Variants in NDUFA9 observed in about 807,000 individuals in gnomAD.
NDUFA9 encodes the protein NADH dehydrogenase [ubiquinone] 1 alpha subcomplex subunit 9, mitochondrial.
NDUFA9 carries 23 observed loss-of-function variants against 45.9 expected under a neutral mutation model. The observed-to-expected ratio is 0.50, with a 90% CI of 0.36 to 0.71. The LOEUF is 0.71. Ranked by LOEUF, NDUFA9 falls within the 30% of genes least tolerant of loss-of-function variation. The pLI is 0.00. For missense variants in NDUFA9, 466 were observed against 488.2 expected (o/e 0.95, Z 0.43); for synonymous variants, 176 against 170.5 (o/e 1.03, Z -0.25).
rs1313706211 is a variant in NDUFA9, at chr12:4,690,709, AAAAT to A, written c.*3608_*3611del. The stretch of plus-strand genomic sequence containing the variant: ...TGGGAGACAGAGGGAGACTCTGTCT[AAAAT>A]AAATAATAATAATAATAATAATAAA... On this transcript the variant is annotated 3_prime_UTR_variant, in exon 11 of 11. Transcript: ENST00000266544. 6.6e-6 allele frequency: 1 copy of A among 151,998 alleles called. No homozygotes were observed. Among genetic ancestry groups the A allele is most frequent in the Non-Finnish European group, 1.5e-5 (1 of 68,000 alleles). The allele number at this position is 151,998 out of a possible 1,614,324, so 9.4% of individuals were successfully genotyped here.
chr12:4,685,799 C>G (rs555858123), intron 10 of NDUFA9, among the ~76,000 whole-genome samples: 14 of 152,336 alleles, frequency 9.2e-5, no homozygotes, highest in African/African-American at 3.4e-4. Context: ...AGTCTCCTTG[C>G]TGCCACATCC....
chr12:4,680,910 C>T (rs1005402554), intron 8 of NDUFA9, among the ~76,000 whole-genome samples: 5 of 152,028 alleles, frequency 3.3e-5, no homozygotes, highest in African/African-American at 9.7e-5. Flanking sequence ...AGGTTAAAAT[C>T]GTACAGAACT....
chr12:4,672,272 A>G (rs1311955408), intron 8 of NDUFA9, among the ~76,000 whole-genome samples: 1 of 152,206 alleles, frequency 6.6e-6, no homozygotes, highest in Non-Finnish European at 1.5e-5. Flanking sequence ...CCATGCCACC[A>G]GGGCCCTGGT....
At position 4,692,802 on chromosome 12, in the gene NDUFA9, G is replaced by A. The variant is rs151297826; in HGVS notation, c.*5694G>A. ...ATAGTATATGATAGCAGTAGTATAC[G>A]ATAGCATGTGTGTGAGTCCATTTTG... is the stretch of plus-strand genomic sequence containing the variant. On this transcript the variant is annotated 3_prime_UTR_variant, in exon 11 of 11. Coordinates refer to ENST00000266544, the MANE Select transcript of NDUFA9 (RefSeq NM_005002.5). 1 of 152,232 alleles carries A rather than the reference G, an allele frequency of 6.6e-6. No individual in the cohort carries two copies. Among genetic ancestry groups the A allele is most frequent in the Non-Finnish European group, 1.5e-5 (1 of 68,114 alleles). The allele number at this position is 152,232 out of a possible 1,614,324, so 9.4% of individuals were successfully genotyped here. A position where few individuals can be genotyped will look rare whatever the true frequency, so the allele number is the denominator to read the frequency against.
At chr12:4,685,169 C>A in intron 9 of NDUFA9, 90 bp from the exon 10 acceptor site, 2 of 1,105,232 alleles carry the variant, frequency 1.8e-6, no homozygotes, top group Non-Finnish European at 1.4e-6. Flanking sequence ...TGCTCTACAG[C>A]GGTCTGTCTT....
At chr12:4,669,502 T>C (rs1474665018) in intron 7 of NDUFA9, among the ~76,000 whole-genome samples, 1 of 152,224 alleles carries the variant, frequency 6.6e-6, no homozygotes, top group Non-Finnish European at 1.5e-5. Context: ...TGGAAAATAC[T>C]TGGATAGCGG....
At chr12:4,679,833 G>T (rs922871834) in intron 8 of NDUFA9, among the ~76,000 whole-genome samples, 1 of 152,190 alleles carries the variant, frequency 6.6e-6, no homozygotes, top group Non-Finnish European at 1.5e-5. Flanking sequence ...GGTACATCTT[G>T]TTTATAAATT....
intron 4 of NDUFA9, 140 bp downstream of exon 4, chr12:4,657,979 A>G (rs1458652719): frequency 4.4e-6 from 3 of 688,128 alleles, no homozygotes; most frequent in East Asian, 5.3e-5. Context: ...AACCACTTGC[A>G]TACCCAGTGA....
At position 4,659,104 on chromosome 12, in the gene NDUFA9, G is replaced by T; in HGVS notation, c.479G>T (p.Gly160Val). 1 of 1,612,166 alleles carries T rather than the reference G, an allele frequency of 6.2e-7. No homozygotes were observed. Among genetic ancestry groups the T allele is most frequent in the Non-Finnish European group, 8.5e-7 (1 of 1,178,326 alleles). Reference sequence around the variant, plus strand: ...ATTGCTCAACTGTCCAAGGAAGCTGGAGTTGAAAAATTCATTCATGTTTCA... The same window carrying T: ...ATTGCTCAACTGTCCAAGGAAGCTGTAGTTGAAAAATTCATTCATGTTTCA... ...QAIAQLSKEA[G>V]VEKFIHVSHL... is the part of the protein sequence containing the mutation. The change falls in exon 5 of 11, where the codon GGA becomes GTA. Residue 160 changes from glycine to valine, a missense_variant. Transcript: ENST00000266544.
chr12:4,674,086 A>C (rs1945903913), intron 8 of NDUFA9, among the ~76,000 whole-genome samples: 1 of 152,238 alleles, frequency 6.6e-6, no homozygotes, highest in Non-Finnish European at 1.5e-5. Context: ...TAAGTGAAGG[A>C]GAAATAAAAT....
At chr12:4,684,329 A>G (rs530023237) in intron 9 of NDUFA9, among the ~76,000 whole-genome samples, 7 of 152,332 alleles carry the variant, frequency 4.6e-5, no homozygotes, top group Admixed American at 1.3e-4. Flanking sequence ...CTGAAGTTTT[A>G]CGTCAAGTCC....
rs569570255 is a variant in NDUFA9, at chr12:4,681,534, A to G, written c.801-671A>G. ...AGATTGGCAAAAATTTTATTTTCTT[A>G]TGACAACTCATTTCGGGTGGAGGGG... On this transcript the variant is annotated intron_variant, in intron 8 of 10. Transcript: ENST00000266544. Among the ~76,000 whole-genome samples, 6 of 149,486 alleles carry G rather than the reference A, an allele frequency of 4.0e-5. No individual in the cohort carries two copies. In the East Asian group the frequency reaches 1.2e-3, roughly 29 times the overall value.
At chr12:4,685,238 T>C in intron 9 of NDUFA9, 21 bp from the exon 10 acceptor site, 5 of 1,596,642 alleles carry the variant, frequency 3.1e-6, no homozygotes, top group Non-Finnish European at 4.3e-6. Context: ...TCACATGTGC[T>C]ATATGTATTT....
Position 4,654,471 on chromosome 12 carries a change from A to G in NDUFA9, c.220+9A>G. 6.2e-7 allele frequency: 1 copy of G among 1,613,484 alleles called. No individual in the cohort carries two copies. The highest frequency in any genetic ancestry group is 8.5e-7 in the Non-Finnish European group (1 of 1,179,498). On this transcript the variant is annotated intron_variant, in intron 2 of 10. Transcript: ENST00000266544. ...TGTTGTCAACCACCTTGGTAAGTAA[A>G]GTTCCTTAAGTTCATATGCTCCATT...
At chr12:4,666,429 C>T (rs1428479267) in intron 6 of NDUFA9, among the ~76,000 whole-genome samples, 1 of 152,064 alleles carries the variant, frequency 6.6e-6, no homozygotes, top group Non-Finnish European at 1.5e-5. Flanking sequence ...GTTGCCTGTG[C>T]TTTTAGTATT....
rs1037905071 is a variant in NDUFA9 at position 4,693,960 on chromosome 12, T to C, written c.*6852T>C. On this transcript the variant is annotated 3_prime_UTR_variant, in exon 11 of 11. Transcript: ENST00000266544. ...ACACATCTTTTCTGGGGCTAGACAG[T>C]CCATAAATAGGACTTGGAAATGGAA... is the stretch of plus-strand genomic sequence containing the variant. 2 of 152,168 alleles carry C rather than the reference T, an allele frequency of 1.3e-5. No homozygotes were observed. Among genetic ancestry groups the C allele is most frequent in the African/African-American group, 4.8e-5 (2 of 41,440 alleles). 9.4% of individuals were successfully genotyped at this position (152,168 alleles called of 1,614,324 possible).
chr12:4,664,207 T>G (rs1209758423), intron 6 of NDUFA9, among the ~76,000 whole-genome samples: 2 of 152,210 alleles, frequency 1.3e-5, no homozygotes, highest in Non-Finnish European at 2.9e-5. Flanking sequence ...AAGCTTGTTT[T>G]GAAGAGAACA....
chr12:4,666,561 T>C (rs1429029614), intron 6 of NDUFA9, among the ~76,000 whole-genome samples: 1 of 152,204 alleles, frequency 6.6e-6, no homozygotes, highest in Non-Finnish European at 1.5e-5. Flanking sequence ...TTAGTTTTTG[T>C]ATATGGTATG....
At chr12:4,667,391 G>T (rs530686118) in intron 6 of NDUFA9, 1 of 156,726 alleles carries the variant, frequency 6.4e-6, no homozygotes, top group East Asian at 1.9e-4. Flanking sequence ...CCATTTAATT[G>T]TGCCTTTAAT....
Sources: allele counts gnomAD v4.1 joint callset (sites outside exome capture counted in the v4.1 genomes callset), GRCh38; gene constraint gnomAD v4.1.1; transcripts MANE v1.5; gene names NCBI Gene and HGNC (gene_info 2026-07-23, HGNC 2026-07-21).